Variants in SAMSN1 observed in about 807,000 individuals in gnomAD.
SAMSN1 encodes the protein SAM domain, SH3 domain and nuclear localization signals 1.
Under a neutral mutation model 42.0 loss-of-function variants are expected in SAMSN1, and 31 were observed. The observed-to-expected ratio is 0.74, with a 90% confidence interval of 0.55 to 1.00. The LOEUF (loss-of-function observed/expected upper bound fraction) is 1.00. Among genes scored for constraint, SAMSN1 ranks in the 50% least tolerant of loss-of-function variants. The probability of loss-of-function intolerance (pLI) is 0.00; values close to 1 mark genes in which losing one functional copy is unlikely to be tolerated. For synonymous variants in SAMSN1, 178 were observed against 151.9 expected (o/e 1.17, Z -1.26); for missense variants, 464 against 439.4 (o/e 1.06, Z -0.50).
At chr21:14,572,466 C>T (rs1005411534) in intron 2 of SAMSN1, among the ~76,000 whole-genome samples, 1 of 152,066 alleles carries the variant, frequency 6.6e-6, no homozygotes, top group Non-Finnish European at 1.5e-5. Flanking sequence ...AGATCTACTG[C>T]AAAATTTAAA....
At chr21:14,613,517 T>C (rs1282996909) in intron 3 of SAMSN1, among the ~76,000 whole-genome samples, 1 of 152,212 alleles carries the variant, frequency 6.6e-6, no homozygotes, top group Non-Finnish European at 1.5e-5. Flanking sequence ...ACTATTGATA[T>C]TCTTTATTGT....
intron 6 of SAMSN1, chr21:14,598,390 A>G (rs956455363): frequency 2.6e-5 from 4 of 152,192 alleles, no homozygotes; most frequent in African/African-American, 9.6e-5. Context: ...GAATGCTGCC[A>G]GAGAAGAACA....
chr21:14,597,276 C>A (rs1982296623), intron 6 of SAMSN1, among the ~76,000 whole-genome samples: 1 of 152,034 alleles, frequency 6.6e-6, no homozygotes, highest in Admixed American at 6.6e-5. Flanking sequence ...GCGTTGTGAC[C>A]TCAGTTAAGC....
At chr21:14,516,673 G>A (rs1987933584) in intron 3 of SAMSN1, among the ~76,000 whole-genome samples, 1 of 152,152 alleles carries the variant, frequency 6.6e-6, no homozygotes, top group African/African-American at 2.4e-5. Context: ...TTACAGGTGT[G>A]AGCCACTGCA....
chr21:14,599,277 TC>T (rs1982363085), intron 6 of SAMSN1, among the ~76,000 whole-genome samples: 2 of 152,010 alleles, frequency 1.3e-5, no homozygotes, highest in South Asian at 4.1e-4. Flanking sequence ...GGAGGCAGTT[TC>T]CCCCATGCTG....
chr21:14,617,943 C>T (rs1434037749), intron 2 of SAMSN1, among the ~76,000 whole-genome samples: 1 of 152,146 alleles, frequency 6.6e-6, no homozygotes, highest in African/African-American at 2.4e-5. Flanking sequence ...AGGTATGGGA[C>T]CCACACAAAG....
chr21:14,548,744 A>G (rs1980507897), upstream of SAMSN1, among the ~76,000 whole-genome samples: 1 of 152,070 alleles, frequency 6.6e-6, no homozygotes. Flanking sequence ...ACAAGGTTAC[A>G]AATGTTTTTA....
At chr21:14,612,993 C>A in intron 3 of SAMSN1, 1 of 616,714 alleles carries the variant, frequency 1.6e-6, no homozygotes. Context: ...AGAATATGTG[C>A]AACACTTTGG....
At chr21:14,654,030 C>T (rs558771113) in intron 1 of SAMSN1, among the ~76,000 whole-genome samples, 204 of 151,956 alleles carry the variant, frequency 1.3e-3, no homozygotes, top group Non-Finnish European at 1.3e-3. Context: ...ATTTAAAATG[C>T]ATGAGTTTGG....
chr21:14,500,598 C>T lies in SAMSN1; in HGVS notation c.699G>A (p.Lys233=), dbSNP rs759267722. 4 of 1,614,116 alleles carry T rather than the reference C, an allele frequency of 2.5e-6. No homozygotes were observed. Among genetic ancestry groups the T allele is most frequent in the South Asian group, 2.2e-5 (2 of 91,078 alleles). The change falls in exon 6 of 8, where the codon AAG becomes AAA. Residue 233 remains lysine (K), a synonymous_variant. Transcript: ENST00000400566. ...TTTTGCTGTTACTCCTTCGGTTTGC[C>T]TTTATTTTCTTGGGGGCTGCTTCCT... The part of the protein sequence containing the change: ...SEEEAAPKKI[K]ANRRSNSKKS...
In SAMSN1 at chr21:14,614,469, G is replaced by A. The variant is rs866111768; in HGVS notation, c.197+1507C>T. Among the ~76,000 whole-genome samples, 3 of 152,276 alleles carry A rather than the reference G, an allele frequency of 2.0e-5. No individual in the cohort carries two copies. In the Middle Eastern group the frequency reaches 0.01, roughly 518 times the overall value. On this transcript the variant is annotated intron_variant, in intron 3 of 15. Transcript: ENST00000647101. ...CTGACTTGACTGCTAATCAATTCAT[G>A]TGTGTGGGTAAACACACATATCTCA...
chr21:14,506,844 C>A (rs544916414), intron 5 of SAMSN1, among the ~76,000 whole-genome samples: 3 of 152,210 alleles, frequency 2.0e-5, no homozygotes, highest in African/African-American at 7.2e-5. Flanking sequence ...GATAACCCAC[C>A]ATGATCAAGT....
intron 2 of SAMSN1, among the ~76,000 whole-genome samples, chr21:14,562,798 A>T (rs559681087): frequency 6.6e-6 from 1 of 152,246 alleles, no homozygotes; most frequent in Non-Finnish European, 1.5e-5. Context: ...TCCAAGTAAG[A>T]TCAATACTAA....
At chr21:14,650,591 G>T (rs76265855) in intron 1 of SAMSN1, among the ~76,000 whole-genome samples, 2,065 of 151,930 alleles carry the variant, frequency 0.014, 36 homozygotes, top group African/African-American at 0.046. Flanking sequence ...ATGAATAACT[G>T]CAAATGAACA....
chr21:14,525,330 A>G (rs1448465421), intron 1 of SAMSN1, among the ~76,000 whole-genome samples: 1 of 152,236 alleles, frequency 6.6e-6, no homozygotes, highest in Non-Finnish European at 1.5e-5. Flanking sequence ...TAAGGAAAAA[A>G]AGAGACAGAA....
Position 14,506,344 on chromosome 21 carries a change from T to C in SAMSN1, c.561+3966A>G, listed in dbSNP as rs58763630. Among the ~76,000 whole-genome samples the C allele has an allele frequency of 8.0e-3, 1,206 of 150,462 alleles. 14 individuals carry two copies. Among genetic ancestry groups the C allele is most frequent in the African/African-American group, 0.029 (1,147 of 39,978 alleles). On this transcript the variant is annotated intron_variant, in intron 5 of 7. Coordinates refer to ENST00000400566, the MANE Select transcript of SAMSN1 (RefSeq NM_022136.5). Reference sequence around the variant, plus strand: ...TTAGTAAGAATTCAAATAAGCTCAATATGAAATGAAACGGGGTATTACAAC... The same window carrying C: ...TTAGTAAGAATTCAAATAAGCTCAACATGAAATGAAACGGGGTATTACAAC...
chr21:14,620,370 C>T (rs891575424), intron 2 of SAMSN1, among the ~76,000 whole-genome samples: 1 of 152,104 alleles, frequency 6.6e-6, no homozygotes, highest in Non-Finnish European at 1.5e-5. Context: ...ACAGTTCCTC[C>T]TACTCTCTCC....
In SAMSN1 at chr21:14,512,534, T is replaced by C. The variant is rs956552865; in HGVS notation, c.319A>G (p.Ser107Gly). 9 of 1,614,004 alleles carry C rather than the reference T, an allele frequency of 5.6e-6. No individual in the cohort carries two copies. Among genetic ancestry groups the C allele is most frequent in the Non-Finnish European group, 7.6e-6 (9 of 1,179,864 alleles). The change falls in exon 4 of 8, where the codon AGT becomes GGT. Residue 107 changes from serine to glycine, a missense_variant. By Grantham distance (56) the Ser-to-Gly change is moderately conservative. Transcript: ENST00000400566. ...GTGTGGGTCCCAATCACAGGGTCAC[T>C]GTTTCTATATGGGTGGGCATTCTCT... ...DGENAHPYRN[S>G]DPVIGTHTEK... is the part of the protein sequence containing the mutation.
chr21:14,628,468 A>G (rs1983239891), intron 2 of SAMSN1, among the ~76,000 whole-genome samples: 1 of 152,334 alleles, frequency 6.6e-6, no homozygotes, highest in Admixed American at 6.5e-5. Flanking sequence ...GAAAAAGTTC[A>G]TAGACTAATT....
Sources: gnomAD v4.1 joint callset for allele counts (sites outside exome capture counted in the v4.1 genomes callset) on GRCh38, gnomAD v4.1.1 for gene constraint, MANE v1.5 for transcripts, NCBI Gene and HGNC (gene_info 2026-07-23, HGNC 2026-07-21) for gene names.